SLC39A10: variants seen among roughly 807,000 people sequenced by gnomAD.
SLC39A10 encodes zinc transporter ZIP10.
Under a neutral mutation model 65.1 loss-of-function variants are expected in SLC39A10, and 13 were observed. The observed-to-expected ratio is 0.20, with a 90% CI of 0.13 to 0.32. The LOEUF (loss-of-function observed/expected upper bound fraction) is 0.32, where lower values mean the gene tolerates loss of function less well. SLC39A10 is among the 10% of genes least tolerant of loss of function. The probability of loss-of-function intolerance (pLI) is 1.00; values close to 1 mark genes in which losing one functional copy is unlikely to be tolerated. For synonymous variants in SLC39A10, 321 were observed against 342.2 expected, an observed-to-expected ratio of 0.94 and a Z score of 0.68; for missense variants, 831 against 1,018.4, an observed-to-expected ratio of 0.82 and a Z score of 2.50.
chr2:195,650,483 C>T (rs1574221657), intron 2 of SLC39A10, among the ~76,000 whole-genome samples: 1 of 151,902 alleles, frequency 6.6e-6, no homozygotes, highest in African/African-American at 2.4e-5. Flanking sequence ...TTGCCATGGT[C>T]AATCAGAGGC....
chr2:195,731,785 ATG>A (rs1362828383), intron 9 of SLC39A10, among the ~76,000 whole-genome samples: 1 of 152,204 alleles, frequency 6.6e-6, no homozygotes, highest in Non-Finnish European at 1.5e-5. Flanking sequence ...GTCCTAAAGA[ATG>A]GAGTTTATTA....
At chr2:195,724,235 G>A (rs1168619852) in intron 8 of SLC39A10, among the ~76,000 whole-genome samples, 1 of 152,112 alleles carries the variant, frequency 6.6e-6, no homozygotes, top group African/African-American at 2.4e-5. Flanking sequence ...AGCTTTGGCA[G>A]GCACACCTCA....
In SLC39A10 at chr2:195,677,471, C is replaced by A. The variant is rs573456472; in HGVS notation, c.-11-2561C>A. Among the ~76,000 whole-genome samples the A allele has an allele frequency of 3.9e-5, 6 of 152,234 alleles. No homozygotes were observed. The South Asian group carries it at 1.2e-3, about 32-fold the overall frequency. On this transcript the variant is annotated intron_variant, in intron 1 of 9. Coordinates refer to ENST00000359634, the MANE Select transcript of SLC39A10 (RefSeq NM_020342.3). Reference sequence around the variant, plus strand: ...ATCTCTTGTGCCTGGAAGTTTAAGGCTCCAGTGAGCTATGATTGCGCCACT... The same window carrying A: ...ATCTCTTGTGCCTGGAAGTTTAAGGATCCAGTGAGCTATGATTGCGCCACT...
intron 1 of SLC39A10, among the ~76,000 whole-genome samples, chr2:195,675,051 G>A (rs934465101): frequency 2.0e-5 from 3 of 152,122 alleles, no homozygotes; most frequent in Non-Finnish European, 2.9e-5. Flanking sequence ...CTGTAAACCA[G>A]TGATTGGCTT....
chr2:195,643,727 C>A (rs755836625), intron 2 of SLC39A10, among the ~76,000 whole-genome samples: 22 of 152,130 alleles, frequency 1.4e-4, no homozygotes, highest in Non-Finnish European at 2.5e-4. Flanking sequence ...CCTCTACTGC[C>A]CAATAATCTT....
intron 2 of SLC39A10, among the ~76,000 whole-genome samples, chr2:195,620,785 A>C (rs1400211095): frequency 6.6e-6 from 1 of 152,200 alleles, no homozygotes; most frequent in Non-Finnish European, 1.5e-5. Flanking sequence ...GAGTGAACAA[A>C]ACAGAAGAAA....
At chr2:195,650,527 A>T (rs771442796) in intron 2 of SLC39A10, among the ~76,000 whole-genome samples, 27 of 152,026 alleles carry the variant, frequency 1.8e-4, no homozygotes, top group Non-Finnish European at 3.4e-4. Flanking sequence ...GTCTTCCAGG[A>T]GAGATGCCTA....
intron 9 of SLC39A10, among the ~76,000 whole-genome samples, chr2:195,731,202 T>C (rs1692422599): frequency 6.6e-6 from 1 of 152,206 alleles, no homozygotes; most frequent in Admixed American, 6.5e-5. Context: ...TCCACTCCCT[T>C]GTCCTCCTTA....
At chr2:195,724,707 A>G (rs1223245908) in intron 8 of SLC39A10, among the ~76,000 whole-genome samples, 1 of 152,206 alleles carries the variant, frequency 6.6e-6, no homozygotes, top group Admixed American at 6.6e-5. Context: ...TTCAGGGACC[A>G]GAAGACTATT....
chr2:195,715,552 A>C (rs981015500), intron 6 of SLC39A10, among the ~76,000 whole-genome samples: 4 of 151,144 alleles, frequency 2.6e-5, no homozygotes, highest in Non-Finnish European at 5.9e-5. Context: ...AAAAAAAGAA[A>C]TTCAAGACTA....
chr2:195,636,687 A>G (rs572483556), intron 2 of SLC39A10, among the ~76,000 whole-genome samples: 1 of 152,274 alleles, frequency 6.6e-6, no homozygotes, highest in South Asian at 2.1e-4. Context: ...TGGGAGGCGG[A>G]GCTTGCAGTG....
intron 2 of SLC39A10, among the ~76,000 whole-genome samples, chr2:195,649,393 A>G (rs946554004): frequency 2.0e-5 from 3 of 152,222 alleles, no homozygotes; most frequent in Non-Finnish European, 2.9e-5. Flanking sequence ...TTTAAGAAAT[A>G]AAGGTAAGCA....
At chr2:195,631,898 T>G (rs1469880251) in intron 2 of SLC39A10, among the ~76,000 whole-genome samples, 3 of 152,166 alleles carry the variant, frequency 2.0e-5, no homozygotes, top group Non-Finnish European at 4.4e-5. Flanking sequence ...ATTAATTTAT[T>G]TATTTATTGA....
intron 6 of SLC39A10, among the ~76,000 whole-genome samples, chr2:195,716,011 T>C (rs988423661): frequency 9.9e-5 from 15 of 152,178 alleles, no homozygotes; most frequent in African/African-American, 3.4e-4. Context: ...AGTAAATACA[T>C]TTGAAAACAA....
At chr2:195,657,219 A>G (rs1235592186), upstream of SLC39A10, 4 of 213,830 alleles carry the variant, frequency 1.9e-5, no homozygotes, top group Non-Finnish European at 3.2e-5. Flanking sequence ...TGAATACACG[A>G]TTTGGTGCAG....
At chr2:195,651,064 C>G (rs1689020418) in intron 2 of SLC39A10, among the ~76,000 whole-genome samples, 1 of 151,466 alleles carries the variant, frequency 6.6e-6, no homozygotes, top group South Asian at 2.1e-4. Context: ...GAATGAGACC[C>G]CGTCTCAAAA....
intron 2 of SLC39A10, among the ~76,000 whole-genome samples, chr2:195,615,629 C>G (rs949056280): frequency 2.0e-5 from 3 of 152,166 alleles, no homozygotes; most frequent in African/African-American, 7.2e-5. Context: ...CCTCTAGATT[C>G]ATTTATCTCC....
At chr2:195,622,239 G>T (rs1201890847) in intron 2 of SLC39A10, among the ~76,000 whole-genome samples, 1 of 152,056 alleles carries the variant, frequency 6.6e-6, no homozygotes, top group Non-Finnish European at 1.5e-5. Context: ...GGTGGTGAGT[G>T]CCTGTAGTCC....
At chr2:195,693,859 T>A (rs900232032) in intron 3 of SLC39A10, among the ~76,000 whole-genome samples, 6 of 152,238 alleles carry the variant, frequency 3.9e-5, no homozygotes, top group Non-Finnish European at 8.8e-5. Flanking sequence ...GTTTGGATTG[T>A]TCTTGCTTCA....
Sources: allele counts gnomAD v4.1 joint callset (sites outside exome capture counted in the v4.1 genomes callset), GRCh38; gene constraint gnomAD v4.1.1; transcripts MANE v1.5; gene names NCBI Gene and HGNC (gene_info 2026-07-23, HGNC 2026-07-21).